BAZ2B: variants seen among roughly 807,000 people sequenced by gnomAD.
The protein encoded by BAZ2B is bromodomain adjacent to zinc finger domain protein 2B.
Under a neutral mutation model 246.0 loss-of-function variants are expected in BAZ2B, and 91 were observed. The observed-to-expected ratio is 0.37, with a 90% CI of 0.31 to 0.44. The LOEUF (loss-of-function observed/expected upper bound fraction) is 0.44. Among genes scored for constraint, BAZ2B ranks in the 20% least tolerant of loss-of-function variants. BAZ2B has a pLI of 1.00. For synonymous variants in BAZ2B, 855 were observed against 860.0 expected, an observed-to-expected ratio of 0.99 and a Z score of 0.10; for missense variants, 2,332 against 2,533.7, an observed-to-expected ratio of 0.92 and a Z score of 1.71.
intron 31 of BAZ2B, among the ~76,000 whole-genome samples, chr2:159,338,216 T>C (rs2065990489): frequency 6.6e-6 from 1 of 152,180 alleles, no homozygotes; most frequent in Non-Finnish European, 1.5e-5. Context: ...ATTACCTTTA[T>C]CTGTATTGCT....
chr2:159,571,002 T>G (rs773714828), intron 1 of BAZ2B, among the ~76,000 whole-genome samples: 8 of 152,000 alleles, frequency 5.3e-5, no homozygotes, highest in Non-Finnish European at 1.0e-4. Flanking sequence ...TACAGGTGCC[T>G]GCCACCATGC....
At chr2:159,531,802 A>G (rs75826063) in intron 2 of BAZ2B, among the ~76,000 whole-genome samples, 4,022 of 152,220 alleles carry the variant, frequency 0.026, 177 homozygotes, top group African/African-American at 0.092. Context: ...ATCCCCAACT[A>G]CAAGCATGAA....
intron 2 of BAZ2B, among the ~76,000 whole-genome samples, chr2:159,486,698 A>C (rs575354043): frequency 2.1e-3 from 321 of 151,954 alleles, no homozygotes; most frequent in African/African-American, 7.5e-3. Context: ...TATCCTAGAA[A>C]TATACTCAAA....
the BAZ2B span, among the ~76,000 whole-genome samples, chr2:159,626,348 T>G: frequency 6.6e-6 from 1 of 152,112 alleles, no homozygotes; most frequent in Non-Finnish European, 1.5e-5. Flanking sequence ...TATATAACTC[T>G]CCACCCCAAA....
At position 159,383,677 on chromosome 2, in the gene BAZ2B, T is replaced by C; in HGVS notation, c.3690A>G (p.Glu1230=). ...ACATATAATCAATGTTCTTGTCGATTTCACTGCCAATGCAAGAATTTATTA... is the reference window on the plus strand; with the variant it reads ...ACATATAATCAATGTTCTTGTCGATCTCACTGCCAATGCAAGAATTTATTA... The part of the protein sequence containing the change: ...ELACSKSVVS[E]IDKNIDYMSN... The change falls in exon 24 of 37, where the codon GAA becomes GAG. Residue 1230 remains glutamate (E), a synonymous_variant. Coordinates refer to ENST00000392783, the MANE Select transcript of BAZ2B (RefSeq NM_013450.4). 4 of 1,609,904 alleles carry C rather than the reference T, an allele frequency of 2.5e-6. No individual in the cohort carries two copies. Among genetic ancestry groups the C allele is most frequent in the Non-Finnish European group, 3.4e-6 (4 of 1,177,912 alleles).
intron 14 of BAZ2B, among the ~76,000 whole-genome samples, chr2:159,409,816 T>C (rs2066543294): frequency 6.6e-6 from 1 of 152,192 alleles, no homozygotes; most frequent in Admixed American, 6.5e-5. Flanking sequence ...TATATACATG[T>C]TGAGAAAGAG....
At chr2:159,604,788 A>G (rs1277601558) in intron 1 of BAZ2B, among the ~76,000 whole-genome samples, 4 of 152,232 alleles carry the variant, frequency 2.6e-5, no homozygotes, top group Non-Finnish European at 5.9e-5. Flanking sequence ...CAGTTTTACT[A>G]GCAGAAAGGA....
chr2:159,658,935 T>C, the BAZ2B span, among the ~76,000 whole-genome samples: 1 of 152,306 alleles, frequency 6.6e-6, no homozygotes, highest in Non-Finnish European at 1.5e-5. Flanking sequence ...ATTACAGGTA[T>C]TAGCCATTGT....
At chr2:159,372,917 T>A (rs1208144523) in intron 27 of BAZ2B, 128 bp downstream of exon 27, 9 of 1,106,544 alleles carry the variant, frequency 8.1e-6, no homozygotes, top group Non-Finnish European at 1.1e-5. Flanking sequence ...GCAAAAGGAA[T>A]GAGAATTAAG....
At chr2:159,511,110 T>C (rs747148902) in intron 2 of BAZ2B, among the ~76,000 whole-genome samples, 8 of 152,184 alleles carry the variant, frequency 5.3e-5, no homozygotes, top group Non-Finnish European at 1.2e-4. Flanking sequence ...AAATATTCAA[T>C]TTTATACTTG....
intron 1 of BAZ2B, among the ~76,000 whole-genome samples, chr2:159,566,707 C>A (rs1212155938): frequency 1.3e-5 from 2 of 152,176 alleles, no homozygotes; most frequent in East Asian, 3.8e-4. Context: ...GTTATAAAGA[C>A]TACTAATTAC....
the BAZ2B span, among the ~76,000 whole-genome samples, chr2:159,625,234 G>A: frequency 6.6e-6 from 1 of 152,114 alleles, no homozygotes; most frequent in Non-Finnish European, 1.5e-5. Flanking sequence ...AGAGAGAATA[G>A]AACCAAGTTG....
intron 25 of BAZ2B, among the ~76,000 whole-genome samples, chr2:159,377,652 A>AAAAAAAAAAAAAAGTG (rs2061542316): frequency 6.6e-6 from 1 of 151,950 alleles, no homozygotes; most frequent in Non-Finnish European, 1.5e-5. Flanking sequence ...GTCTCTACTA[A>AAAAAAAAAAAAAAGTG]AAATACAAAA....
intron 14 of BAZ2B, chr2:159,412,128 G>A: frequency 6.1e-6 from 2 of 330,182 alleles, no homozygotes; most frequent in Non-Finnish European, 8.6e-6. Flanking sequence ...AGGATAGGAT[G>A]TGTTTATGAG....
At position 159,483,414 on chromosome 2, in the gene BAZ2B, G is replaced by A. The variant is rs554301894; in HGVS notation, c.-2-4693C>T. Among the ~76,000 whole-genome samples, 143 of 152,160 alleles carry A rather than the reference G, an allele frequency of 9.4e-4. 2 individuals are homozygous for A. The highest frequency in any genetic ancestry group is 1.3e-4 in the Non-Finnish European group (9 of 67,992). ...AGGTTTTTGCCATGTTGCCCAGGCTGGTCTTGAATTCTTGAGTTCAAACTA... is the reference window on the plus strand; with the variant it reads ...AGGTTTTTGCCATGTTGCCCAGGCTAGTCTTGAATTCTTGAGTTCAAACTA... On this transcript the variant is annotated intron_variant, in intron 2 of 36. Transcript: ENST00000392783.
intron 1 of BAZ2B, among the ~76,000 whole-genome samples, chr2:159,585,072 G>A (rs1360421683): frequency 6.6e-6 from 1 of 152,168 alleles, no homozygotes; most frequent in African/African-American, 2.4e-5. Flanking sequence ...CCAGTCTCAA[G>A]TATTTCTTTA....
intron 2 of BAZ2B, among the ~76,000 whole-genome samples, chr2:159,493,079 A>C (rs977095656): frequency 6.6e-6 from 1 of 152,208 alleles, no homozygotes; most frequent in Non-Finnish European, 1.5e-5. Context: ...TATACCTTCA[A>C]CTAGACACAA....
At chr2:159,431,755 G>C (rs1040522479) in intron 9 of BAZ2B, among the ~76,000 whole-genome samples, 5 of 152,082 alleles carry the variant, frequency 3.3e-5, no homozygotes, top group African/African-American at 1.2e-4. Context: ...GTAGTTCTAT[G>C]TATGATGCAT....
At chr2:159,449,148 G>A (rs2150400451) in intron 4 of BAZ2B, among the ~76,000 whole-genome samples, 1 of 152,172 alleles carries the variant, frequency 6.6e-6, no homozygotes, top group Admixed American at 6.5e-5. Flanking sequence ...ACCAGTGGTA[G>A]AAAATCATTC....
Sources: allele counts gnomAD v4.1 joint callset (sites outside exome capture counted in the v4.1 genomes callset), GRCh38; gene constraint gnomAD v4.1.1; transcripts MANE v1.5; gene names NCBI Gene and HGNC (gene_info 2026-07-23, HGNC 2026-07-21).